CLVS1: variants seen among roughly 807,000 people sequenced by gnomAD.
The protein encoded by CLVS1 is clavesin-1.
CLVS1 carries 10 observed loss-of-function variants against 33.1 expected under a neutral mutation model. That is an observed-to-expected ratio of 0.30 (90% CI 0.19 to 0.51). The LOEUF is 0.51. Ranked by LOEUF, CLVS1 falls within the 20% of genes least tolerant of loss-of-function variation. The probability of loss-of-function intolerance (pLI) is 0.97; values close to 1 mark genes in which losing one functional copy is unlikely to be tolerated. For synonymous variants in CLVS1, 163 were observed against 166.1 expected (o/e 0.98, Z 0.14); for missense variants, 343 against 433.4 (o/e 0.79, Z 1.85).
At chr8:61,202,965 A>G (rs1807768046) in intron 2 of CLVS1, 4 of 1,458,858 alleles carry the variant, frequency 2.7e-6, no homozygotes, top group Non-Finnish European at 9.5e-7. Context: ...CACAAAAGTC[A>G]AATCAGAATG....
intron 1 of CLVS1, among the ~76,000 whole-genome samples, chr8:61,131,278 C>T (rs1806094591): frequency 6.6e-6 from 1 of 152,156 alleles, no homozygotes; most frequent in African/African-American, 2.4e-5. Flanking sequence ...GGATTCAAGA[C>T]AGAGAAAAGA....
At chr8:61,186,067 T>C (rs1205445306) in intron 2 of CLVS1, among the ~76,000 whole-genome samples, 2 of 152,176 alleles carry the variant, frequency 1.3e-5, no homozygotes, top group Non-Finnish European at 2.9e-5. Context: ...GGATGCTTCC[T>C]ACCTTCCACT....
the CLVS1 span, among the ~76,000 whole-genome samples, chr8:61,012,237 T>C: frequency 6.6e-6 from 1 of 152,136 alleles, no homozygotes; most frequent in East Asian, 1.9e-4. Context: ...CCCTCTAACT[T>C]CCTTCCACCC....
At chr8:61,119,638 G>A (rs1334903631) in intron 1 of CLVS1, among the ~76,000 whole-genome samples, 1 of 149,000 alleles carries the variant, frequency 6.7e-6, no homozygotes, top group Admixed American at 6.6e-5. Context: ...ATGAAGCTTA[G>A]TTTGGCTGGA....
intron 5 of CLVS1, among the ~76,000 whole-genome samples, chr8:61,480,544 GCCTCAC>G (rs1563573072): frequency 6.6e-6 from 1 of 152,184 alleles, no homozygotes; most frequent in Non-Finnish European, 1.5e-5. Flanking sequence ...GTGAGGTGAT[GCCTCAC>G]CCTGCTTTGG....
Position 61,499,512 on chromosome 8 carries a change from G to A in CLVS1, c.1035G>A (p.Glu345=), listed in dbSNP as rs760061357. 6.2e-7 allele frequency: 1 copy of A among 1,613,784 alleles called. No homozygotes were observed. Among genetic ancestry groups the A allele is most frequent in the Non-Finnish European group, 8.5e-7 (1 of 1,179,776 alleles). ...TLKHEEKGEN[E]NTQPLLALD Reference sequence around the variant, plus strand: ...AACATGAGGAGAAGGGAGAGAATGAGAACACCCAGCCACTCCTGGCTCTGG... The same window carrying A: ...AACATGAGGAGAAGGGAGAGAATGAAAACACCCAGCCACTCCTGGCTCTGG... The change falls in exon 6 of 6, where the codon GAG becomes GAA. Residue 345 remains glutamate, a synonymous_variant. Coordinates refer to ENST00000325897, the MANE Select transcript of CLVS1 (RefSeq NM_173519.3).
At chr8:61,167,448 C>G (rs1294302411) in intron 2 of CLVS1, among the ~76,000 whole-genome samples, 1 of 152,124 alleles carries the variant, frequency 6.6e-6, no homozygotes, top group Non-Finnish European at 1.5e-5. Context: ...TCCCAAAGTG[C>G]TGGGATTACA....
At chr8:61,440,961 G>A (rs1464535703) in intron 3 of CLVS1, among the ~76,000 whole-genome samples, 3 of 152,142 alleles carry the variant, frequency 2.0e-5, no homozygotes, top group Non-Finnish European at 2.9e-5. Flanking sequence ...ATAACAAAAA[G>A]AGCATTTGGT....
At chr8:61,408,960 C>T (rs1217558630) in intron 3 of CLVS1, among the ~76,000 whole-genome samples, 1 of 152,184 alleles carries the variant, frequency 6.6e-6, no homozygotes, top group African/African-American at 2.4e-5. Flanking sequence ...GGCCACTCAT[C>T]AGCATCGTTA....
the CLVS1 span, among the ~76,000 whole-genome samples, chr8:61,036,516 G>A: frequency 2.1e-4 from 32 of 152,344 alleles, no homozygotes; most frequent in Admixed American, 1.8e-3. Context: ...GGGCCAAATC[G>A]TTGACTATGG....
At chr8:61,058,267 A>C (rs534081889) in intron 1 of CLVS1, among the ~76,000 whole-genome samples, 1 of 152,180 alleles carries the variant, frequency 6.6e-6, no homozygotes, top group African/African-American at 2.4e-5. Context: ...TGTGCAGGAC[A>C]GGATGTGTTT....
intron 1 of CLVS1, among the ~76,000 whole-genome samples, chr8:61,096,455 C>A (rs990177826): frequency 6.6e-6 from 1 of 152,052 alleles, no homozygotes; most frequent in Non-Finnish European, 1.5e-5. Context: ...TTTTAGAATA[C>A]AAAAAGAAAA....
intron 2 of CLVS1, among the ~76,000 whole-genome samples, chr8:61,183,914 G>T (rs961346476): frequency 1.3e-5 from 2 of 152,194 alleles, no homozygotes; most frequent in African/African-American, 4.8e-5. Context: ...CTAATGGGAA[G>T]ATGTGTTTTC....
intron 2 of CLVS1, among the ~76,000 whole-genome samples, chr8:61,230,191 C>A (rs527610525): frequency 4.6e-5 from 7 of 152,152 alleles, no homozygotes; most frequent in Non-Finnish European, 1.0e-4. Context: ...GGCTGTTTTG[C>A]TGAACCCTGA....
At chr8:61,296,389 A>G (rs1371510894) in intron 1 of CLVS1, among the ~76,000 whole-genome samples, 1 of 152,208 alleles carries the variant, frequency 6.6e-6, no homozygotes, top group Non-Finnish European at 1.5e-5. Flanking sequence ...TTTTGAACCC[A>G]TAGTAAATTA....
chr8:61,284,411 T>C (rs919830333), upstream of CLVS1, among the ~76,000 whole-genome samples: 1 of 152,220 alleles, frequency 6.6e-6, no homozygotes, highest in African/African-American at 2.4e-5. Context: ...ATGTTTAAGG[T>C]GATAAATGTA....
intron 1 of CLVS1, among the ~76,000 whole-genome samples, chr8:61,082,695 T>C (rs1225156638): frequency 6.6e-6 from 1 of 152,154 alleles, no homozygotes; most frequent in African/African-American, 2.4e-5. Flanking sequence ...ATTTAAAGTA[T>C]TGAAAGAAAG....
At chr8:61,355,706 T>G (rs1263111550) in intron 2 of CLVS1, among the ~76,000 whole-genome samples, 4 of 152,044 alleles carry the variant, frequency 2.6e-5, no homozygotes, top group African/African-American at 9.7e-5. Context: ...GAATGATGAT[T>G]TCCAATTTCA....
At chr8:61,226,980 G>GTTTTTTT (rs55718731) in intron 2 of CLVS1, among the ~76,000 whole-genome samples, 20 of 132,306 alleles carry the variant, frequency 1.5e-4, no homozygotes, top group African/African-American at 2.7e-4. Flanking sequence ...ACGAAAACAT[G>GTTTTTTT]TTTTTTTTTT....
Sources: gnomAD v4.1 joint callset for allele counts (sites outside exome capture counted in the v4.1 genomes callset) on GRCh38, gnomAD v4.1.1 for gene constraint, MANE v1.5 for transcripts, NCBI Gene and HGNC (gene_info 2026-07-23, HGNC 2026-07-21) for gene names.